The following INPP5F variants were observed in gnomAD, a reference collection of about 807,000 sequenced individuals.
The protein encoded by INPP5F is phosphatidylinositide 4-phosphatase SAC2.
In INPP5F, 97 loss-of-function variants were observed where a neutral mutation model predicts 137.2. That is an observed-to-expected ratio of 0.71 (90% CI 0.60 to 0.84). The LOEUF is 0.84. Among genes scored for constraint, INPP5F ranks in the 40% least tolerant of loss-of-function variants. The probability of loss-of-function intolerance (pLI) is 0.00; values close to 1 mark genes in which losing one functional copy is unlikely to be tolerated. For missense variants in INPP5F, 1,271 were observed against 1,371.9 expected (o/e 0.93, Z 1.16); for synonymous variants, 504 against 476.9 (o/e 1.06, Z -0.74).
intron 2 of INPP5F, among the ~76,000 whole-genome samples, chr10:119,755,035 A>C (rs1362054504): frequency 6.6e-6 from 1 of 152,072 alleles, no homozygotes; most frequent in Middle Eastern, 3.2e-3. Context: ...TTTTCTTCTC[A>C]CCTAGGGAGA....
At position 119,748,545 on chromosome 10, in the gene INPP5F, A is replaced by G. The variant is rs1392066925; in HGVS notation, c.98-2531A>G. The stretch of plus-strand genomic sequence containing the variant: ...GGGGAGCAAGGCAGAGAGCAGCTTC[A>G]TTGAGCCCCAGAAGAGCTCTCAGGA... On this transcript the variant is annotated intron_variant, in intron 1 of 19. Transcript: ENST00000650623. This position sits in a 1 kb window ranked among gnomAD's most constrained non-coding sequence, Gnocchi z 4.7. 6.6e-6 allele frequency among the ~76,000 whole-genome samples: 1 copy of G among 152,184 alleles called. No individual in the cohort carries two copies. The highest frequency in any genetic ancestry group is 2.4e-5 in the African/African-American group (1 of 41,452).
chr10:119,726,172 C>A lies in INPP5F; in HGVS notation c.-91C>A. 1 of 773,354 alleles carries A rather than the reference C, an allele frequency of 1.3e-6. No homozygotes were observed. 47.9% of individuals were successfully genotyped at this position (773,354 alleles called of 1,614,324 possible). The stretch of plus-strand genomic sequence containing the variant: ...TCGGCGCGGTTCCTACCCGGCCGCT[C>A]CCCGAGGCGCGGGCTCTGGCGGCCT... On this transcript the variant is annotated 5_prime_UTR_variant, in exon 1 of 20. Transcript: ENST00000650623.
At chr10:119,736,859 G>T (rs972999032) in intron 1 of INPP5F, among the ~76,000 whole-genome samples, 1 of 152,142 alleles carries the variant, frequency 6.6e-6, no homozygotes, top group African/African-American at 2.4e-5. Flanking sequence ...TAGAGACAGG[G>T]TCTTGCTCTG....
At chr10:119,786,811 C>T (rs989459328) in intron 3 of INPP5F, among the ~76,000 whole-genome samples, 4 of 152,096 alleles carry the variant, frequency 2.6e-5, no homozygotes, top group African/African-American at 9.7e-5. Flanking sequence ...TGAGCCCCTG[C>T]ACCTGGCCAG....
At position 119,785,286 on chromosome 10, in the gene INPP5F, G is replaced by GTTTTTTTTTTTTTTTTTTTTTTTTTTTTT. The variant is rs71019717; in HGVS notation, c.315+3531_315+3532insTTTTTTTTTTTTTTTTTTTTTTTTTTTTT. Among the ~76,000 whole-genome samples the GTTTTTTTTTTTTTTTTTTTTTTTTTTTTT allele has an allele frequency of 2.1e-4, 22 of 106,230 alleles. 2 individuals are homozygous for GTTTTTTTTTTTTTTTTTTTTTTTTTTTTT. Among genetic ancestry groups the GTTTTTTTTTTTTTTTTTTTTTTTTTTTTT allele is most frequent in the Non-Finnish European group, 3.0e-4 (16 of 53,678 alleles). The allele number at this position is 106,230 out of a possible 152,430, so 69.7% of individuals were successfully genotyped here. A position where few individuals can be genotyped will look rare whatever the true frequency, so the allele number is the denominator to read the frequency against. ...TAACCTTTTGTGGAACTGCCAGACT[G>GTTTTTTTTTTTTTTTTTTTTTTTTTTTTT]TTTTTTTTTTTTTTTTGGAGACGGA... On this transcript the variant is annotated intron_variant, in intron 3 of 19. Transcript: ENST00000650623.
intron 3 of INPP5F, among the ~76,000 whole-genome samples, chr10:119,785,325 G>T (rs1209957062): frequency 1.6e-5 from 2 of 122,256 alleles, no homozygotes; most frequent in Non-Finnish European, 3.3e-5. Flanking sequence ...TCGCTCTGTC[G>T]CCCAGGCTGG....
Position 119,787,224 on chromosome 10 carries a change from A to G in INPP5F, c.316-4293A>G, listed in dbSNP as rs963373974. Among the ~76,000 whole-genome samples, 14 of 152,124 alleles carry G rather than the reference A, an allele frequency of 9.2e-5. No homozygotes were observed. Among genetic ancestry groups the G allele is most frequent in the Admixed American group, 7.9e-4 (12 of 15,274 alleles). On this transcript the variant is annotated intron_variant, in intron 3 of 19. Coordinates refer to ENST00000650623, the MANE Select transcript of INPP5F (RefSeq NM_014937.4). The surrounding 1 kb of genome is among the most constrained non-coding windows in gnomAD (Gnocchi z 4.1). The stretch of plus-strand genomic sequence containing the variant: ...TTGGATTTTGGAATTGTACATAAGG[A>G]AGTTAAGGGATGATGGGCTTATATT...
At chr10:119,822,996 TG>T in intron 17 of INPP5F, 74 bp from the exon 18 acceptor site, 1 of 1,399,016 alleles carries the variant, frequency 7.1e-7, no homozygotes, top group Non-Finnish European at 9.7e-7. Context: ...AAAAATGTGT[TG>T]GGTCTTTTTA....
chr10:119,781,623 C>G lies in INPP5F; in HGVS notation c.179-12C>G, dbSNP rs752743593. ...AAAAACGCCAGACTTTATTATGACT[C>G]TCCTCTTTCAGATCTTCCATGGTGG... On this transcript the variant is annotated splice_polypyrimidine_tract_variant and intron_variant, in intron 2 of 19. Coordinates refer to ENST00000650623, the MANE Select transcript of INPP5F (RefSeq NM_014937.4). 5 of 1,599,116 alleles carry G rather than the reference C, an allele frequency of 3.1e-6. No homozygotes were observed. In the Admixed American group the frequency reaches 6.7e-5, roughly 22 times the overall value.
intron 6 of INPP5F, among the ~76,000 whole-genome samples, chr10:119,794,487 C>T (rs1483647022): frequency 6.6e-6 from 1 of 151,988 alleles, no homozygotes; most frequent in African/African-American, 2.4e-5. Flanking sequence ...CTTTCTATTC[C>T]ACAAAACCGC....
At chr10:119,752,418 C>T (rs1848713513) in intron 2 of INPP5F, among the ~76,000 whole-genome samples, 2 of 152,014 alleles carry the variant, frequency 1.3e-5, no homozygotes, top group Non-Finnish European at 2.9e-5. Context: ...AACCCTGTCT[C>T]TACTAAAAAT....
intron 3 of INPP5F, among the ~76,000 whole-genome samples, chr10:119,789,738 T>A (rs1359685666): frequency 6.6e-6 from 1 of 151,572 alleles, no homozygotes. Context: ...GGGGTTGGCA[T>A]AAGGACAGTA....
chr10:119,826,513 T>C (rs1238053058), intron 19 of INPP5F, 118 bp from the exon 20 acceptor site: 1 of 765,004 alleles, frequency 1.3e-6, no homozygotes, highest in African/African-American at 1.7e-5. Flanking sequence ...CAGTTAGCAA[T>C]GCACTGTTTT....
rs35213192 is a variant in INPP5F, at chr10:119,806,811, C to CT, written c.1440+345dup. On this transcript the variant is annotated intron_variant, in intron 12 of 19. Coordinates refer to ENST00000650623, the MANE Select transcript of INPP5F (RefSeq NM_014937.4). ...GGCTGGAAGTCTTGATACTGCATTTCTTTTTTTTTTTTTTGAGATGCAGTC... is the reference window on the plus strand; with the variant it reads ...GGCTGGAAGTCTTGATACTGCATTTCTTTTTTTTTTTTTTTGAGATGCAGTC... Among the ~76,000 whole-genome samples the CT allele has an allele frequency of 4.6e-3, 659 of 143,276 alleles. 4 individuals are homozygous for CT. The highest frequency in any genetic ancestry group is 0.011 in the African/African-American group (421 of 39,138). 94.0% of individuals were successfully genotyped at this position (143,276 alleles called of 152,430 possible). A position where few individuals can be genotyped will look rare whatever the true frequency, so the allele number is the denominator to read the frequency against.
At chr10:119,732,428 T>G (rs1207345145) in intron 1 of INPP5F, among the ~76,000 whole-genome samples, 1 of 151,982 alleles carries the variant, frequency 6.6e-6, no homozygotes, top group Non-Finnish European at 1.5e-5. Context: ...GTTGTCTACA[T>G]CATCACCTGA....
Position 119,827,719 on chromosome 10 carries a change from T to G in INPP5F, c.3338T>G (p.Val1113Gly). The change falls in exon 20 of 20, where the codon GTC becomes GGC. Residue 1113 changes from valine to glycine, a missense_variant. This residue lies in a region of INPP5F where 490 missense variants were observed against 443.7 expected (regional missense o/e 1.10). Transcript: ENST00000650623. Reference sequence around the variant, plus strand: ...CCAGAACCTGAAATCATTAATCAAGTCCAGCAAAATGAACTTAAAAAGATG... The same window carrying G: ...CCAGAACCTGAAATCATTAATCAAGGCCAGCAAAATGAACTTAAAAAGATG... ...SPPEPEIINQ[V>G]QQNELKKMFI... The G allele has an allele frequency of 6.2e-7, 1 of 1,613,702 alleles. No individual in the cohort carries two copies. Among genetic ancestry groups the G allele is most frequent in the South Asian group, 1.1e-5 (1 of 90,998 alleles).
At chr10:119,794,132 G>T (rs1003717112) in intron 6 of INPP5F, among the ~76,000 whole-genome samples, 2 of 152,012 alleles carry the variant, frequency 1.3e-5, no homozygotes, top group Non-Finnish European at 1.5e-5. Flanking sequence ...AGTGAACAAA[G>T]GTCTCTGGTT....
Position 119,797,649 on chromosome 10 carries a change from G to GAAACTGTTGCCTATTTCTGTGCCCA in INPP5F, c.1048+9_1048+10insAAACTGTTGCCTATTTCTGTGCCCA. ...ACCGCGGCTGGACAGAAGTAAGCAGGTCAATTATTGGGTTTGCAAATGATG... is the reference window on the plus strand; with the variant it reads ...ACCGCGGCTGGACAGAAGTAAGCAGGAAACTGTTGCCTATTTCTGTGCCCATCAATTATTGGGTTTGCAAATGATG... On this transcript the variant is annotated intron_variant, in intron 8 of 19. Coordinates refer to ENST00000650623, the MANE Select transcript of INPP5F (RefSeq NM_014937.4). 1 of 1,588,534 alleles carries GAAACTGTTGCCTATTTCTGTGCCCA rather than the reference G, an allele frequency of 6.3e-7. No homozygotes were observed. Among genetic ancestry groups the GAAACTGTTGCCTATTTCTGTGCCCA allele is most frequent in the Non-Finnish European group, 8.6e-7 (1 of 1,167,200 alleles).
Position 119,805,415 on chromosome 10 carries a change from C to CT in INPP5F, c.1274dup (p.Thr426AsnfsTer6). ...AATGAAGTTTGAGAATGTTCAGACACTAACAGATGCCATTTATGACATTAT... is the reference window on the plus strand; with the variant it reads ...AATGAAGTTTGAGAATGTTCAGACACTTAACAGATGCCATTTATGACATTAT... On this transcript the variant is annotated frameshift_variant, in exon 11 of 20. Transcript: ENST00000650623. LOFTEE classifies it high-confidence loss of function. 6.2e-7 allele frequency: 1 copy of CT among 1,613,268 alleles called. No individual in the cohort carries two copies. Among genetic ancestry groups the CT allele is most frequent in the Non-Finnish European group, 8.5e-7 (1 of 1,179,390 alleles).
Sources: allele counts gnomAD v4.1 joint callset (sites outside exome capture counted in the v4.1 genomes callset), GRCh38; gene constraint gnomAD v4.1.1; regional missense constraint gnomAD v4.1.1; non-coding constraint Gnocchi (gnomAD v3.1); transcripts MANE v1.5; gene names NCBI Gene and HGNC (gene_info 2026-07-23, HGNC 2026-07-21).